The following TRAF3IP1 variants were observed in gnomAD, a reference collection of about 807,000 sequenced individuals.
TRAF3IP1 encodes the protein TRAF3-interacting protein 1.
A neutral mutation model predicts 89.9 loss-of-function variants in TRAF3IP1; 53 were observed. The observed-to-expected ratio is 0.59, with a 90% CI of 0.47 to 0.74. TRAF3IP1 has a LOEUF of 0.74. Among genes scored for constraint, TRAF3IP1 ranks in the 30% least tolerant of loss-of-function variants. The probability of loss-of-function intolerance (pLI) is 0.00; values close to 1 mark genes in which losing one functional copy is unlikely to be tolerated. For missense variants in TRAF3IP1, 806 were observed against 866.1 expected, an observed-to-expected ratio of 0.93 and a Z score of 0.87; for synonymous variants, 311 against 322.1, an observed-to-expected ratio of 0.97 and a Z score of 0.37.
At chr2:238,392,662 C>A (rs879619863) in intron 15 of TRAF3IP1, among the ~76,000 whole-genome samples, 4,693 of 152,272 alleles carry the variant, frequency 0.031, 111 homozygotes, top group Non-Finnish European at 0.05. Context: ...AACCTCGCCC[C>A]CCCACCCGGG....
Position 238,397,504 on chromosome 2 carries a change from G to A in TRAF3IP1, c.1735G>A (p.Val579Ile), listed in dbSNP as rs780746076. ...GGCATGGAAGAAGGAGAAGGACATC[G>A]TTTCCAAGGAGATAGAGAAGCTCCG... ...ESAWKKEKDI[V>I]SKEIEKLRTS... Residue 579 changes from valine (V) to isoleucine (I), a missense_variant, in exon 16 of 17, where the codon GTT becomes ATT. Around this residue, in one of 3 missense-constraint regions of TRAF3IP1, gnomAD observed 732 missense variants for 780.5 expected, o/e 0.94. Transcript: ENST00000373327. 3.2e-5 allele frequency: 52 copies of A among 1,612,964 alleles called. No individual in the cohort carries two copies. The highest frequency in any genetic ancestry group is 4.4e-5 in the Non-Finnish European group (52 of 1,179,946).
chr2:238,359,543 G>A (rs771311673), intron 15 of TRAF3IP1, among the ~76,000 whole-genome samples: 46 of 152,002 alleles, frequency 3.0e-4, no homozygotes, highest in Non-Finnish European at 4.9e-4. Flanking sequence ...TTGTTGCAGC[G>A]TGTATCTATA....
intron 3 of TRAF3IP1, 113 bp downstream of exon 3, chr2:238,326,083 G>T: frequency 2.0e-6 from 2 of 984,128 alleles, no homozygotes; most frequent in Non-Finnish European, 1.5e-6. Flanking sequence ...AGTGGTGTCT[G>T]TCAAACACTG....
At chr2:238,354,027 G>A (rs1317381873) in intron 14 of TRAF3IP1, among the ~76,000 whole-genome samples, 2 of 152,330 alleles carry the variant, frequency 1.3e-5, no homozygotes, top group East Asian at 3.9e-4. Flanking sequence ...ACCCGCCTTG[G>A]CCTCCCAAAG....
At position 238,348,843 on chromosome 2, in the gene TRAF3IP1, C is replaced by T; in HGVS notation, c.1362C>T (p.Asn454=). ...AAATTCCTAATGAGCTTTCATCCAA[C>T]ATCAGGTCTGTGTGCTTTGAATCCC... ...TPEIPNELSS[N]IRRIPRPGSA... is the part of the protein sequence containing the mutation. Residue 454 remains asparagine (N), a synonymous_variant, in exon 11 of 17, where the codon AAC becomes AAT. Transcript: ENST00000373327. 1.2e-6 allele frequency: 2 copies of T among 1,614,046 alleles called. No individual in the cohort carries two copies. Among genetic ancestry groups the T allele is most frequent in the Non-Finnish European group, 1.7e-6 (2 of 1,179,922 alleles).
intron 8 of TRAF3IP1, among the ~76,000 whole-genome samples, chr2:238,343,252 AT>A (rs1698740490): frequency 6.6e-6 from 1 of 151,700 alleles, no homozygotes; most frequent in Non-Finnish European, 1.5e-5. Context: ...CACCCGGCTA[AT>A]TTTTCTATTT....
chr2:238,367,159 G>T (rs1699912517), intron 15 of TRAF3IP1, among the ~76,000 whole-genome samples: 1 of 24,432 alleles, frequency 4.1e-5, no homozygotes, highest in African/African-American at 2.2e-4. Flanking sequence ...GCAAGACTCT[G>T]TCTCAAAAAA....
At chr2:238,384,539 ATTTT>A (rs35203636) in intron 15 of TRAF3IP1, among the ~76,000 whole-genome samples, 2 of 119,902 alleles carry the variant, frequency 1.7e-5, no homozygotes. Flanking sequence ...CGCCTGGCTA[ATTTT>A]TTTTTTTTTT....
chr2:238,341,468 T>C (rs1180746311), intron 8 of TRAF3IP1, among the ~76,000 whole-genome samples: 2 of 152,108 alleles, frequency 1.3e-5, no homozygotes, highest in East Asian at 1.9e-4. Flanking sequence ...AACTCAGTTA[T>C]TGCTTCCTGA....
intron 15 of TRAF3IP1, 21 bp downstream of exon 15, chr2:238,356,101 AAC>A: frequency 6.3e-7 from 1 of 1,574,972 alleles, no homozygotes; most frequent in Non-Finnish European, 8.7e-7. Flanking sequence ...GATTTCCATA[AAC>A]ACTGGCATTT....
chr2:238,337,439 C>T lies in TRAF3IP1; in HGVS notation c.1064-923C>T, dbSNP rs148233874. Among the ~76,000 whole-genome samples, 175 of 152,322 alleles carry T rather than the reference C, an allele frequency of 1.1e-3. 1 individual carries two copies. The highest frequency in any genetic ancestry group is 4.0e-3 in the African/African-American group (165 of 41,574). On this transcript the variant is annotated intron_variant, in intron 7 of 16. Coordinates refer to ENST00000373327, the MANE Select transcript of TRAF3IP1 (RefSeq NM_015650.4). Reference sequence around the variant, plus strand: ...GGTCCCGGAGCTGCTGTTCCCGGTCCACAGCAGCTGTGTGGTTTACAGTGA... The same window carrying T: ...GGTCCCGGAGCTGCTGTTCCCGGTCTACAGCAGCTGTGTGGTTTACAGTGA...
intron 15 of TRAF3IP1, among the ~76,000 whole-genome samples, chr2:238,367,617 G>A (rs918460533): frequency 2.0e-5 from 3 of 152,148 alleles, no homozygotes; most frequent in South Asian, 2.1e-4. Context: ...TGTGGGACAC[G>A]GGAGAGACCG....
intron 9 of TRAF3IP1, 129 bp from the exon 10 acceptor site, chr2:238,347,326 A>G: frequency 1.1e-6 from 1 of 935,230 alleles, no homozygotes; most frequent in Admixed American, 2.1e-5. Context: ...CTATGAGGAA[A>G]TGATCTTTTT....
At position 238,399,087 on chromosome 2, in the gene TRAF3IP1, T is replaced by A. The variant is rs1009792442; in HGVS notation, c.*168T>A. 7 of 606,644 alleles carry A rather than the reference T, an allele frequency of 1.2e-5. No homozygotes were observed. Among genetic ancestry groups the A allele is most frequent in the African/African-American group, 1.9e-5 (1 of 52,918 alleles). 37.6% of individuals were successfully genotyped at this position (606,644 alleles called of 1,614,324 possible). A position where few individuals can be genotyped will look rare whatever the true frequency, so the allele number is the denominator to read the frequency against. Reference sequence around the variant, plus strand: ...AAAACTGTAAGCATGTTAAGTGTATTAAAAAAACCATGTTTTCTTACCTCC... The same window carrying A: ...AAAACTGTAAGCATGTTAAGTGTATAAAAAAAACCATGTTTTCTTACCTCC... On this transcript the variant is annotated 3_prime_UTR_variant, in exon 17 of 17. Coordinates refer to ENST00000373327, the MANE Select transcript of TRAF3IP1 (RefSeq NM_015650.4).
intron 14 of TRAF3IP1, among the ~76,000 whole-genome samples, chr2:238,355,569 A>G (rs911882326): frequency 6.6e-6 from 1 of 152,252 alleles, no homozygotes; most frequent in Admixed American, 6.5e-5. Flanking sequence ...CACTATTCCA[A>G]AAAACTTCAC....
chr2:238,374,882 A>G (rs1649096084), intron 15 of TRAF3IP1, among the ~76,000 whole-genome samples: 1 of 152,038 alleles, frequency 6.6e-6, no homozygotes, highest in Non-Finnish European at 1.5e-5. Context: ...CCAGGAATTT[A>G]TCTATTTTTT....
At chr2:238,395,956 G>T (rs1368960514) in intron 15 of TRAF3IP1, among the ~76,000 whole-genome samples, 9 of 152,142 alleles carry the variant, frequency 5.9e-5, no homozygotes, top group East Asian at 3.9e-4. Context: ...TCAACCATTG[G>T]GGAAGTCAGT....
chr2:238,391,476 G>A (rs1220980770), intron 15 of TRAF3IP1, among the ~76,000 whole-genome samples: 3 of 152,202 alleles, frequency 2.0e-5, no homozygotes, highest in Non-Finnish European at 4.4e-5. Context: ...ATGCGTTCAC[G>A]CTGCCCCTGC....
chr2:238,397,560 A>G lies in TRAF3IP1; in HGVS notation c.1791A>G (p.Ala597=), dbSNP rs779701914. 6.8e-6 allele frequency: 11 copies of G among 1,612,928 alleles called. No individual in the cohort carries two copies. In the African/African-American group the frequency reaches 1.2e-4, roughly 18 times the overall value. Residue 597 remains alanine, a synonymous_variant, in exon 16 of 17, where the codon GCA becomes GCG. Transcript: ENST00000373327. The part of the protein sequence containing the change: ...RTSIQTLCKS[A]LPLGKIMDYI... ...CCATCCAGACCCTGTGCAAGAGCGC[A>G]CTTCCCCTGGGGAAGATCATGGACT...
Sources: allele counts gnomAD v4.1 joint callset (sites outside exome capture counted in the v4.1 genomes callset), GRCh38; gene constraint gnomAD v4.1.1; regional missense constraint gnomAD v4.1.1; transcripts MANE v1.5; gene names NCBI Gene and HGNC (gene_info 2026-07-23, HGNC 2026-07-21).